Variants in MAN1A2 observed in about 807,000 individuals in gnomAD.
MAN1A2 encodes the protein mannosidase alpha class 1A member 2, also known as mannosyl-oligosaccharide 1,2-alpha-mannosidase IB.
Under a neutral mutation model 75.7 loss-of-function variants are expected in MAN1A2, and 26 were observed. That is an observed-to-expected ratio of 0.34 (90% CI 0.25 to 0.48). The LOEUF (loss-of-function observed/expected upper bound fraction) is 0.48. Among genes scored for constraint, MAN1A2 ranks in the 20% least tolerant of loss-of-function variants. The probability of loss-of-function intolerance (pLI) is 0.99; values close to 1 mark genes in which losing one functional copy is unlikely to be tolerated. For missense variants in MAN1A2, 562 were observed against 775.5 expected (o/e 0.72, Z 3.27); for synonymous variants, 247 against 264.6 (o/e 0.93, Z 0.65).
At chr1:117,383,991 AT>A (rs1417035100) in intron 1 of MAN1A2, among the ~76,000 whole-genome samples, 1 of 151,982 alleles carries the variant, frequency 6.6e-6, no homozygotes, top group Non-Finnish European at 1.5e-5. Context: ...TTTATTTGTG[AT>A]TTTAGTTATT....
intron 1 of MAN1A2, among the ~76,000 whole-genome samples, chr1:117,388,050 T>C (rs1653596596): frequency 2.6e-5 from 4 of 150,992 alleles, no homozygotes; most frequent in Admixed American, 2.6e-4. Flanking sequence ...ATATGAATTT[T>C]GGGGGGACAC....
At chr1:117,464,282 C>G (rs543764507) in intron 7 of MAN1A2, among the ~76,000 whole-genome samples, 2 of 149,334 alleles carry the variant, frequency 1.3e-5, no homozygotes, top group South Asian at 4.2e-4. Flanking sequence ...TCACTGAAGC[C>G]TGGGAAGCAG....
intron 6 of MAN1A2, among the ~76,000 whole-genome samples, chr1:117,456,713 A>G (rs1649592818): frequency 6.6e-6 from 1 of 152,020 alleles, no homozygotes; most frequent in South Asian, 2.1e-4. Flanking sequence ...ATTTTTACAA[A>G]TCCCATTCTT....
At chr1:117,511,845 T>C (rs985234560) in intron 12 of MAN1A2, among the ~76,000 whole-genome samples, 6 of 152,132 alleles carry the variant, frequency 3.9e-5, no homozygotes, top group African/African-American at 1.4e-4. Context: ...CATTCCCCAA[T>C]TAGAATATAA....
intron 4 of MAN1A2, among the ~76,000 whole-genome samples, chr1:117,419,362 C>G (rs1213819946): frequency 1.3e-5 from 2 of 151,938 alleles, no homozygotes; most frequent in Non-Finnish European, 2.9e-5. Context: ...GCCCTCCCAC[C>G]CTTTTTTCCT....
intron 8 of MAN1A2, among the ~76,000 whole-genome samples, chr1:117,467,489 A>T (rs1335703432): frequency 6.6e-6 from 1 of 152,120 alleles, no homozygotes; most frequent in Non-Finnish European, 1.5e-5. Context: ...TATGTCTTTC[A>T]TGGATCTGGG....
chr1:117,478,978 T>C (rs991297954), intron 8 of MAN1A2, among the ~76,000 whole-genome samples: 1 of 151,854 alleles, frequency 6.6e-6, no homozygotes, highest in African/African-American at 2.4e-5. Flanking sequence ...GCTTGTTACA[T>C]AGGTAAACGG....
At chr1:117,388,981 C>G (rs1018825198) in intron 1 of MAN1A2, among the ~76,000 whole-genome samples, 4 of 152,012 alleles carry the variant, frequency 2.6e-5, no homozygotes, top group Non-Finnish European at 5.9e-5. Context: ...TGTTTCTGAC[C>G]TCTTTCTGAT....
intron 8 of MAN1A2, among the ~76,000 whole-genome samples, chr1:117,476,757 G>A (rs920260427): frequency 6.6e-6 from 1 of 152,048 alleles, no homozygotes; most frequent in Non-Finnish European, 1.5e-5. Flanking sequence ...TTTGGTTACT[G>A]TAGCCTCATA....
intron 11 of MAN1A2, 87 bp downstream of exon 11, chr1:117,499,641 AT>A: frequency 9.5e-7 from 1 of 1,048,680 alleles, no homozygotes; most frequent in Non-Finnish European, 1.3e-6. Context: ...ATGTTACCTC[AT>A]TTTTAGTATC....
intron 5 of MAN1A2, among the ~76,000 whole-genome samples, chr1:117,431,081 C>A (rs1310787198): frequency 7.1e-6 from 1 of 140,086 alleles, no homozygotes; most frequent in Non-Finnish European, 1.6e-5. Flanking sequence ...TGCCTGCAAT[C>A]GCAGGCATTC....
intron 1 of MAN1A2, among the ~76,000 whole-genome samples, chr1:117,376,748 A>C (rs1653159336): frequency 6.6e-6 from 1 of 152,232 alleles, no homozygotes; most frequent in Admixed American, 6.5e-5. Flanking sequence ...TGTGGATTCA[A>C]CCAACTGCAG....
At chr1:117,464,758 T>C (rs1268673016) in intron 7 of MAN1A2, among the ~76,000 whole-genome samples, 1 of 152,122 alleles carries the variant, frequency 6.6e-6, no homozygotes, top group Non-Finnish European at 1.5e-5. Context: ...GAATGACAGA[T>C]TCACTATTGT....
Position 117,499,382 on chromosome 1 carries a change from C to T in MAN1A2, c.1505C>T (p.Ala502Val). The T allele has an allele frequency of 6.4e-7, 1 of 1,564,096 alleles. No individual in the cohort carries two copies. Among genetic ancestry groups the T allele is most frequent in the South Asian group, 1.2e-5 (1 of 82,892 alleles). The change falls in exon 11 of 13, where the codon GCA becomes GTA. Residue 502 changes from alanine (A) to valine (V), a missense_variant and splice_region_variant. Physicochemically the swap from Ala to Val is moderately conservative, Grantham distance 64 (BLOSUM62 0). Coordinates refer to ENST00000356554, the MANE Select transcript of MAN1A2 (RefSeq NM_006699.5). ...RTCHESYDRT[A>V]LKLGPESFKF... Reference sequence around the variant, plus strand: ...AGTTATTTCTTTTGTCATGTTACAGCATTAAAGCTAGGTCCTGAATCATTC... The same window carrying T: ...AGTTATTTCTTTTGTCATGTTACAGTATTAAAGCTAGGTCCTGAATCATTC...
chr1:117,418,107 CATT>C (rs1180149410), intron 4 of MAN1A2, among the ~76,000 whole-genome samples: 8 of 152,166 alleles, frequency 5.3e-5, no homozygotes, highest in South Asian at 4.2e-4. Context: ...TTTTATGTGT[CATT>C]GTTGTCTAGT....
At chr1:117,488,388 G>A (rs890826491) in intron 8 of MAN1A2, among the ~76,000 whole-genome samples, 2 of 151,936 alleles carry the variant, frequency 1.3e-5, no homozygotes, top group Admixed American at 6.6e-5. Flanking sequence ...TAGAGATGGA[G>A]TTTCACCATG....
At chr1:117,404,590 C>A (rs1352887712) in intron 2 of MAN1A2, among the ~76,000 whole-genome samples, 1 of 152,092 alleles carries the variant, frequency 6.6e-6, no homozygotes, top group Non-Finnish European at 1.5e-5. Flanking sequence ...ATTACATAGA[C>A]CATCAGATTG....
chr1:117,504,262 T>G (rs1210092950), intron 12 of MAN1A2, among the ~76,000 whole-genome samples: 5 of 151,222 alleles, frequency 3.3e-5, no homozygotes, highest in African/African-American at 1.2e-4. Context: ...TGCTTTTGGT[T>G]TACATGTCTG....
chr1:117,413,555 A>T (rs1017739384), intron 3 of MAN1A2, among the ~76,000 whole-genome samples: 15 of 151,942 alleles, frequency 9.9e-5, no homozygotes, highest in African/African-American at 3.6e-4. Context: ...ACCTCGCTGG[A>T]GTCGTAACCT....
Sources: gnomAD v4.1 joint callset for allele counts (sites outside exome capture counted in the v4.1 genomes callset) on GRCh38, gnomAD v4.1.1 for gene constraint, MANE v1.5 for transcripts, NCBI Gene and HGNC (gene_info 2026-07-23, HGNC 2026-07-21) for gene names.